DCPS: variants seen among roughly 807,000 people sequenced by gnomAD.
DCPS encodes the protein m7GpppX diphosphatase.
Under a neutral mutation model 34.7 loss-of-function variants are expected in DCPS, and 27 were observed. The observed-to-expected ratio is 0.78, with a 90% CI of 0.57 to 1.07. The LOEUF (loss-of-function observed/expected upper bound fraction) is 1.07, where lower values mean the gene tolerates loss of function less well. Ranked by LOEUF, DCPS falls within the 50% of genes least tolerant of loss-of-function variation. DCPS has a pLI of 0.00. For missense variants in DCPS, 464 were observed against 436.9 expected (o/e 1.06, Z -0.55); for synonymous variants, 185 against 185.7 (o/e 1.00, Z 0.03).
In DCPS at chr11:126,342,463, T is replaced by TC. The variant is rs974243367; in HGVS notation, c.637-842dup. 4 of 152,294 alleles carry TC rather than the reference T, an allele frequency of 2.6e-5. No individual in the cohort carries two copies. The highest frequency in any genetic ancestry group is 9.7e-5 in the African/African-American group (4 of 41,434). 9.4% of individuals were successfully genotyped at this position (152,294 alleles called of 1,614,324 possible). A position where few individuals can be genotyped will look rare whatever the true frequency, so the allele number is the denominator to read the frequency against. ...TTGACTCCAAACAAATCAAGTTGCTTCCTCTCCCCTTCCGTATACATTCTA... is the reference window on the plus strand; with the variant it reads ...TTGACTCCAAACAAATCAAGTTGCTTCCCTCTCCCCTTCCGTATACATTCTA... On this transcript the variant is annotated intron_variant, in intron 4 of 5. Coordinates refer to ENST00000263579, the MANE Select transcript of DCPS (RefSeq NM_014026.6). The surrounding 1 kb of genome is among the most constrained non-coding windows in gnomAD (Gnocchi z 4.4).
intron 2 of DCPS, among the ~76,000 whole-genome samples, chr11:126,326,330 G>A (rs1306236491): frequency 1.3e-5 from 2 of 152,172 alleles, no homozygotes; most frequent in African/African-American, 2.4e-5. Context: ...CTGACCTGCC[G>A]TGGGCAGATG....
chr11:126,314,973 T>C (rs1951647089), intron 2 of DCPS, among the ~76,000 whole-genome samples: 1 of 151,878 alleles, frequency 6.6e-6, no homozygotes, highest in Non-Finnish European at 1.5e-5. Flanking sequence ...CAAAAACCTA[T>C]TGAAATAAAA....
At chr11:126,330,097 G>C (rs974042307) in intron 2 of DCPS, among the ~76,000 whole-genome samples, 8 of 152,130 alleles carry the variant, frequency 5.3e-5, no homozygotes, top group African/African-American at 1.7e-4. Flanking sequence ...GGTGGTTTTG[G>C]ACCAGGAAGC....
At position 126,340,541 on chromosome 11, in the gene DCPS, C is replaced by T. The variant is rs1951868153; in HGVS notation, c.636+2142C>T. On this transcript the variant is annotated intron_variant, in intron 4 of 5. Transcript: ENST00000263579. ...GTATTTTAGCGTCTCAAATCTTTGA[C>T]TTGTGACAGCACTGAATTGGTAGCT... Among the ~76,000 whole-genome samples the T allele has an allele frequency of 2.0e-5, 3 of 152,200 alleles. No individual in the cohort carries two copies. The South Asian group carries it at 6.2e-4, about 32-fold the overall frequency.
In DCPS at chr11:126,325,739, T is replaced by A. The variant is rs956089462; in HGVS notation, c.377-5666T>A. 6.6e-6 allele frequency among the ~76,000 whole-genome samples: 1 copy of A among 151,116 alleles called. No homozygotes were observed. The highest frequency in any genetic ancestry group is 2.4e-5 in the African/African-American group (1 of 41,094). On this transcript the variant is annotated intron_variant, in intron 2 of 5. Coordinates refer to ENST00000263579, the MANE Select transcript of DCPS (RefSeq NM_014026.6). This position sits in a 1 kb window ranked among gnomAD's most constrained non-coding sequence, Gnocchi z 4.3. ...CATGACAGGGGAACTCTGTAAGGAG[T>A]GTTGGAGGTGCTCTTAATATATTGT...
Position 126,304,153 on chromosome 11 carries a change from A to C in DCPS, c.73A>C (p.Thr25Pro), listed in dbSNP as rs760322945. The change falls in exon 1 of 6, where the codon ACA (threonine) becomes CCA (proline). Residue 25 changes from threonine to proline, a missense_variant. Transcript: ENST00000263579. ...LDVEEAHAAS[T>P]EEKEAGVGNG... The stretch of plus-strand genomic sequence containing the variant: ...CGTGGAGGAGGCCCACGCCGCCAGC[A>C]CAGAGGAAAAGGAGGCAGGAGTTGG... The C allele has an allele frequency of 5.0e-6, 8 of 1,614,128 alleles. No individual in the cohort carries two copies. In the Admixed American group the frequency reaches 1.3e-4, roughly 27 times the overall value.
chr11:126,305,506 C>T (rs978696012), intron 1 of DCPS, among the ~76,000 whole-genome samples: 9 of 145,150 alleles, frequency 6.2e-5, no homozygotes, highest in Admixed American at 2.8e-4. Flanking sequence ...CTGCAACCTC[C>T]ACTTTCTGGA....
chr11:126,311,944 T>G (rs531590596), intron 2 of DCPS, among the ~76,000 whole-genome samples: 1 of 152,338 alleles, frequency 6.6e-6, no homozygotes, highest in East Asian at 1.9e-4. Flanking sequence ...GTTAGTTTGT[T>G]TTTGAGACGG....
At position 126,312,119 on chromosome 11, in the gene DCPS, TG is replaced by T. The variant is rs1298773944; in HGVS notation, c.376+5379del. On this transcript the variant is annotated intron_variant, in intron 2 of 5. Transcript: ENST00000263579. This position sits in a 1 kb window ranked among gnomAD's most constrained non-coding sequence, Gnocchi z 5.1. ...CTAATTTTTGTGTTTTTAGTAGAGA[TG>T]GGGTTTCACCACATTGGCCAGGCTA... is the stretch of plus-strand genomic sequence containing the variant. 6.6e-6 allele frequency among the ~76,000 whole-genome samples: 1 copy of T among 151,500 alleles called. No homozygotes were observed. Among genetic ancestry groups the T allele is most frequent in the East Asian group, 2.0e-4 (1 of 5,088 alleles).
chr11:126,343,617 C>T (rs151046459), intron 5 of DCPS, among the ~76,000 whole-genome samples, 200 bp downstream of exon 5: 1 of 152,254 alleles, frequency 6.6e-6, no homozygotes, highest in African/African-American at 2.4e-5. Flanking sequence ...CTTTCCTCAC[C>T]CTCACACGCC....
Position 126,342,220 on chromosome 11 carries a change from T to A in DCPS, c.637-1087T>A, listed in dbSNP as rs979463334. The A allele has an allele frequency of 2.0e-5, 3 of 152,214 alleles. No individual in the cohort carries two copies. The highest frequency in any genetic ancestry group is 7.2e-5 in the African/African-American group (3 of 41,440). 9.4% of individuals were successfully genotyped at this position (152,214 alleles called of 1,614,324 possible). A position where few individuals can be genotyped will look rare whatever the true frequency, so the allele number is the denominator to read the frequency against. On this transcript the variant is annotated intron_variant, in intron 4 of 5. Transcript: ENST00000263579. This position sits in a 1 kb window ranked among gnomAD's most constrained non-coding sequence, Gnocchi z 4.4. The stretch of plus-strand genomic sequence containing the variant: ...GGGTTTTCTCAGCAAGAGGAAGAGT[T>A]CATTTGCTCTCTGGCACAAGATCTT...
At position 126,345,206 on chromosome 11, in the gene DCPS, G is replaced by A; in HGVS notation, c.748-141G>A. ...ACAGAGGAAGCTGAAGCAGACAGCA[G>A]GTAGAGAGCTGTTTGGAGGGTTTTT... On this transcript the variant is annotated intron_variant, in intron 5 of 5. Coordinates refer to ENST00000263579, the MANE Select transcript of DCPS (RefSeq NM_014026.6). The surrounding 1 kb of genome is among the most constrained non-coding windows in gnomAD (Gnocchi z 7.4). 1 of 1,134,884 alleles carries A rather than the reference G, an allele frequency of 8.8e-7. No homozygotes were observed. Among genetic ancestry groups the A allele is most frequent in the Non-Finnish European group, 1.2e-6 (1 of 808,134 alleles). The allele number at this position is 1,134,884 out of a possible 1,614,324, so 70.3% of individuals were successfully genotyped here.
chr11:126,304,805 C>T (rs576157433), intron 1 of DCPS, among the ~76,000 whole-genome samples: 3 of 152,184 alleles, frequency 2.0e-5, no homozygotes, highest in Admixed American at 6.5e-5. Flanking sequence ...CGAAAGTTAC[C>T]ATCCCTGATC....
rs758299898 is a variant in DCPS at position 126,331,519 on chromosome 11, C to T, written c.491C>T (p.Pro164Leu). Residue 164 changes from proline (P) to leucine (L), a missense_variant, in exon 3 of 6, where the codon CCC becomes CTC. Physicochemically the swap from Pro to Leu is moderately conservative, Grantham distance 98. Coordinates refer to ENST00000263579, the MANE Select transcript of DCPS (RefSeq NM_014026.6). This position sits in a 1 kb window ranked among gnomAD's most constrained non-coding sequence, Gnocchi z 7.2. The stretch of plus-strand genomic sequence containing the variant: ...GATGACTACAGGAATATTACTTTAC[C>T]CCACCTGGAGTCCCAGAGCCTCAGC... ...TGDDYRNITLPHLESQSLSIQ... is the reference protein window; with the variant it reads ...TGDDYRNITLLHLESQSLSIQ... 1.2e-6 allele frequency: 2 copies of T among 1,614,108 alleles called. No homozygotes were observed. Among genetic ancestry groups the T allele is most frequent in the East Asian group, 4.5e-5 (2 of 44,880 alleles).
At chr11:126,330,717 ATATTTTTTTTTTTTTTTTTT>A (rs1951781578) in intron 2 of DCPS, among the ~76,000 whole-genome samples, 1 of 17,400 alleles carries the variant, frequency 5.7e-5, no homozygotes, top group East Asian at 1.8e-3. Flanking sequence ...ATATATATAT[ATATTTTTTTTTTTTTTTTTT>A]TTTTTTTTTT....
At position 126,319,438 on chromosome 11, in the gene DCPS, C is replaced by T. The variant is rs541645821; in HGVS notation, c.377-11967C>T. Among the ~76,000 whole-genome samples, 73 of 152,288 alleles carry T rather than the reference C, an allele frequency of 4.8e-4. No homozygotes were observed. Among genetic ancestry groups the T allele is most frequent in the Non-Finnish European group, 6.6e-4 (45 of 68,018 alleles). On this transcript the variant is annotated intron_variant, in intron 2 of 5. Coordinates refer to ENST00000263579, the MANE Select transcript of DCPS (RefSeq NM_014026.6). The surrounding 1 kb of genome is among the most constrained non-coding windows in gnomAD (Gnocchi z 4.5). ...GTGCTCCCCCCAGAACCTGCTGTCC[C>T]GCAGCATTTGGCCACAGTATCCCCT...
intron 2 of DCPS, among the ~76,000 whole-genome samples, chr11:126,330,061 TAAAGG>T (rs1486739814): frequency 6.6e-6 from 1 of 152,164 alleles, no homozygotes; most frequent in Non-Finnish European, 1.5e-5. Context: ...TTTTTAAAAA[TAAAGG>T]AAAGGACTTA....
intron 2 of DCPS, among the ~76,000 whole-genome samples, chr11:126,326,516 T>C (rs554689307): frequency 6.6e-6 from 1 of 152,132 alleles, no homozygotes; most frequent in Non-Finnish European, 1.5e-5. Context: ...CTTAGAATAG[T>C]GTTATAGGGC....
rs1355045891 is a variant in DCPS, at chr11:126,346,576, A to C, written c.*963A>C. On this transcript the variant is annotated 3_prime_UTR_variant, in exon 6 of 6. Transcript: ENST00000263579. The surrounding 1 kb of genome is among the most constrained non-coding windows in gnomAD (Gnocchi z 4.1). ...ACAAGTAAACACACAGGCTCTCTCC[A>C]GCACACAGGACCAAGGCATCATGCT... 6.6e-6 allele frequency among the ~76,000 whole-genome samples: 1 copy of C among 152,238 alleles called. No homozygotes were observed. The highest frequency in any genetic ancestry group is 1.9e-4 in the East Asian group (1 of 5,194).
Sources: gnomAD v4.1 joint callset for allele counts (sites outside exome capture counted in the v4.1 genomes callset) on GRCh38, gnomAD v4.1.1 for gene constraint, Gnocchi (gnomAD v3.1) non-coding constraint, MANE v1.5 for transcripts, NCBI Gene and HGNC (gene_info 2026-07-23, HGNC 2026-07-21) for gene names.